The following EBPL variants were observed in gnomAD, a reference collection of about 807,000 sequenced individuals.
EBPL encodes EBP like.
In EBPL, 20 loss-of-function variants were observed where a neutral mutation model predicts 19.0. That is an observed-to-expected ratio of 1.05 (90% CI 0.74 to 1.53). The LOEUF (loss-of-function observed/expected upper bound fraction) is 1.53. Ranked by LOEUF, EBPL falls within the 40% of genes most tolerant of loss-of-function variation. EBPL has a pLI of 0.00. For synonymous variants in EBPL, 107 were observed against 117.0 expected (o/e 0.91, Z 0.55); for missense variants, 219 against 261.1 (o/e 0.84, Z 1.11).
chr13:49,662,309 C>G (rs941034913), intron 3 of EBPL, among the ~76,000 whole-genome samples: 3 of 152,082 alleles, frequency 2.0e-5, no homozygotes, highest in Admixed American at 6.6e-5. Context: ...CTGCACTCCG[C>G]CTGCCCCATA....
chr13:49,670,895 T>C (rs1953808832), intron 1 of EBPL, among the ~76,000 whole-genome samples: 1 of 152,236 alleles, frequency 6.6e-6, no homozygotes, highest in South Asian at 2.1e-4. Context: ...TCTCAATTTC[T>C]GTCCAGTTTG....
intron 1 of EBPL, among the ~76,000 whole-genome samples, chr13:49,675,664 G>C (rs147957136): frequency 6.6e-6 from 1 of 152,172 alleles, no homozygotes; most frequent in South Asian, 2.1e-4. Context: ...ACACTGGTTT[G>C]CAAGGATCTG....
At chr13:49,677,407 A>C (rs918002859) in intron 1 of EBPL, among the ~76,000 whole-genome samples, 2 of 152,202 alleles carry the variant, frequency 1.3e-5, no homozygotes, top group Non-Finnish European at 2.9e-5. Flanking sequence ...GTTCCAAGTG[A>C]CATCTCTGAA....
chr13:49,674,657 A>G (rs1043823697), intron 1 of EBPL, among the ~76,000 whole-genome samples: 2 of 150,712 alleles, frequency 1.3e-5, no homozygotes, highest in Admixed American at 6.6e-5. Flanking sequence ...CTGGCCTCAG[A>G]GAGCTTATTG....
chr13:49,685,866 A>G (rs2008019), intron 1 of EBPL, among the ~76,000 whole-genome samples: 87,921 of 149,218 alleles, frequency 0.59, 25,904 homozygotes, highest in East Asian at 0.7. Context: ...GAGAGAGAGA[A>G]AAAAAAAAAA....
At chr13:49,664,350 C>T (rs561588259) in intron 2 of EBPL, among the ~76,000 whole-genome samples, 4 of 152,240 alleles carry the variant, frequency 2.6e-5, no homozygotes, top group Admixed American at 6.5e-5. Flanking sequence ...CAGAATGAAT[C>T]GGAGTGGGCA....
intron 1 of EBPL, among the ~76,000 whole-genome samples, chr13:49,677,745 A>G (rs996855060): frequency 6.6e-6 from 1 of 152,216 alleles, no homozygotes; most frequent in Non-Finnish European, 1.5e-5. Flanking sequence ...CTTCTCTACT[A>G]AAAACACAAA....
chr13:49,678,822 T>C (rs2137502596), intron 1 of EBPL, among the ~76,000 whole-genome samples: 1 of 151,344 alleles, frequency 6.6e-6, no homozygotes, highest in South Asian at 2.1e-4. Context: ...TGTTAGCACG[T>C]TGTCACCTCT....
chr13:49,686,680 T>C (rs765911114), intron 1 of EBPL: 176 of 1,233,050 alleles, frequency 1.4e-4, no homozygotes, highest in Non-Finnish European at 1.7e-4. Flanking sequence ...AAAGCAGTCA[T>C]ACCTGGGGCT....
chr13:49,685,503 A>G (rs148058801), intron 1 of EBPL, among the ~76,000 whole-genome samples: 1 of 152,138 alleles, frequency 6.6e-6, no homozygotes, highest in Non-Finnish European at 1.5e-5. Flanking sequence ...AGGCTATAGA[A>G]GGAGGATCCC....
intron 1 of EBPL, 34 bp from the exon 2 acceptor site, chr13:49,669,880 C>T (rs1566315242): frequency 2.6e-6 from 4 of 1,545,026 alleles, no homozygotes; most frequent in Admixed American, 1.7e-5. Context: ...TGCTCTAATA[C>T]AGCATCACAA....
intron 2 of EBPL, among the ~76,000 whole-genome samples, chr13:49,663,806 G>A (rs985660116): frequency 6.6e-6 from 1 of 151,844 alleles, no homozygotes; most frequent in Non-Finnish European, 1.5e-5. Context: ...GCATGGTGGC[G>A]GGCACCTGCA....
In EBPL at chr13:49,691,433, C is replaced by T. The variant is rs769943681; in HGVS notation, c.-9G>A. 3.0e-6 allele frequency: 4 copies of T among 1,334,388 alleles called. No individual in the cohort carries two copies. The highest frequency in any genetic ancestry group is 2.9e-6 in the Non-Finnish European group (3 of 1,044,414). The allele number at this position is 1,334,388 out of a possible 1,614,324, so 82.7% of individuals were successfully genotyped here. On this transcript the variant is annotated 5_prime_UTR_variant, in exon 1 of 4. Transcript: ENST00000242827. Reference sequence around the variant, plus strand: ...TCCCACTCAGCGCCCATGCTTCAGGCTTCCGACGCCAACGGCCCAGGACCA... The same window carrying T: ...TCCCACTCAGCGCCCATGCTTCAGGTTTCCGACGCCAACGGCCCAGGACCA...
At chr13:49,684,529 G>A (rs1005471355) in intron 1 of EBPL, among the ~76,000 whole-genome samples, 1 of 152,142 alleles carries the variant, frequency 6.6e-6, no homozygotes, top group Non-Finnish European at 1.5e-5. Flanking sequence ...ACTAAAAATA[G>A]CTGAGCACGG....
intron 2 of EBPL, among the ~76,000 whole-genome samples, chr13:49,668,867 C>A (rs1953777498): frequency 2.0e-5 from 3 of 150,896 alleles, no homozygotes; most frequent in Admixed American, 1.3e-4. Flanking sequence ...CTTCCATCTG[C>A]ACTCACTACC....
chr13:49,682,994 G>A (rs1368702142), intron 1 of EBPL, among the ~76,000 whole-genome samples: 3 of 152,002 alleles, frequency 2.0e-5, no homozygotes, highest in Non-Finnish European at 2.9e-5. Flanking sequence ...AATTTATTGA[G>A]CTAGAGTCTC....
intron 2 of EBPL, among the ~76,000 whole-genome samples, chr13:49,663,814 G>A (rs911380684): frequency 2.6e-5 from 4 of 151,920 alleles, no homozygotes; most frequent in Non-Finnish European, 4.4e-5. Context: ...GCGGGCACCT[G>A]CAGTCCCAGC....
In EBPL at chr13:49,668,582, A is replaced by AT. The variant is rs772311676; in HGVS notation, c.241+1194_241+1195insA. On this transcript the variant is annotated intron_variant, in intron 2 of 3. Coordinates refer to ENST00000242827, the MANE Select transcript of EBPL (RefSeq NM_032565.5). ...GAGCGAGACTCGCCTGAAAAAAAAA[A>AT]GAAAAAAAAGAAATGAGATAAATGA... 3.9e-5 allele frequency: 17 copies of AT among 432,440 alleles called. 1 individual carries two copies. Among genetic ancestry groups the AT allele is most frequent in the East Asian group, 1.5e-4 (2 of 13,568 alleles). 26.8% of individuals were successfully genotyped at this position (432,440 alleles called of 1,614,324 possible).
Position 49,660,949 on chromosome 13 carries a change from T to G in EBPL, c.*19A>C. ...TCTGGTTCATGAAGTTAGATAATGG[T>G]GTTTATGGTTTTGAAAGTTCACTGA... On this transcript the variant is annotated 3_prime_UTR_variant, in exon 4 of 4. Transcript: ENST00000242827. 1 of 1,576,724 alleles carries G rather than the reference T, an allele frequency of 6.3e-7. No homozygotes were observed. Among genetic ancestry groups the G allele is most frequent in the Non-Finnish European group, 8.7e-7 (1 of 1,150,724 alleles).
Sources: gnomAD v4.1 joint callset for allele counts (sites outside exome capture counted in the v4.1 genomes callset) on GRCh38, gnomAD v4.1.1 for gene constraint, MANE v1.5 for transcripts, NCBI Gene and HGNC (gene_info 2026-07-23, HGNC 2026-07-21) for gene names.